Variants in CSMD1 observed in about 807,000 individuals in gnomAD.
The protein encoded by CSMD1 is CUB and Sushi multiple domains 1.
In CSMD1, 213 loss-of-function variants were observed where a neutral mutation model predicts 417.5. That is an observed-to-expected ratio of 0.51 (90% CI 0.46 to 0.57). The LOEUF (loss-of-function observed/expected upper bound fraction) is 0.57, where lower values mean the gene tolerates loss of function less well. Among genes scored for constraint, CSMD1 ranks in the 20% least tolerant of loss-of-function variants. The pLI, the probability that CSMD1 is intolerant of heterozygous loss-of-function variation, is 0.00. For missense variants in CSMD1, 6,923 were observed against 4,529.7 expected, an observed-to-expected ratio of 1.53 and a Z score of -15.17; for synonymous variants, 2,862 against 1,736.8, an observed-to-expected ratio of 1.65 and a Z score of -16.11.
intron 1 of CSMD1, among the ~76,000 whole-genome samples, chr8:4,914,583 G>GA (rs59293226): frequency 1.8e-3 from 240 of 133,676 alleles, no homozygotes; most frequent in South Asian, 6.9e-3. Flanking sequence ...CTCCCAAAAA[G>GA]AAAAAAAAAA....
intron 22 of CSMD1, among the ~76,000 whole-genome samples, chr8:3,344,193 C>G (rs145733570): frequency 6.6e-6 from 1 of 152,272 alleles, no homozygotes; most frequent in Non-Finnish European, 1.5e-5. Flanking sequence ...AGACAGGTCA[C>G]ATGGTGGGGA....
intron 1 of CSMD1, among the ~76,000 whole-genome samples, chr8:4,896,895 T>C (rs1804528568): frequency 6.6e-6 from 1 of 152,028 alleles, no homozygotes; most frequent in Non-Finnish European, 1.5e-5. Context: ...AAAGTAACAG[T>C]ATCTTGGGCT....
At chr8:4,618,768 C>T (rs1007096582) in intron 2 of CSMD1, among the ~76,000 whole-genome samples, 4 of 152,104 alleles carry the variant, frequency 2.6e-5, no homozygotes, top group African/African-American at 7.2e-5. Context: ...CTTTCAGAAT[C>T]TTGAGGAAGC....
intron 1 of CSMD1, among the ~76,000 whole-genome samples, chr8:4,959,032 C>T (rs1478359370): frequency 1.3e-5 from 2 of 152,082 alleles, no homozygotes; most frequent in African/African-American, 4.8e-5. Context: ...GATTATCAAG[C>T]CATGCTATAT....
At chr8:3,286,295 A>G (rs1023293503) in intron 25 of CSMD1, among the ~76,000 whole-genome samples, 2 of 152,130 alleles carry the variant, frequency 1.3e-5, no homozygotes, top group African/African-American at 2.4e-5. Context: ...ATACGTGTGC[A>G]TGTGTCTTTA....
At chr8:3,908,046 C>G (rs186258880) in intron 5 of CSMD1, among the ~76,000 whole-genome samples, 8 of 152,142 alleles carry the variant, frequency 5.3e-5, no homozygotes, top group African/African-American at 1.2e-4. Context: ...GTATTTGACC[C>G]CAAAGTCTGA....
chr8:3,691,249 T>C (rs556883226), intron 7 of CSMD1, among the ~76,000 whole-genome samples: 2 of 152,000 alleles, frequency 1.3e-5, no homozygotes, highest in African/African-American at 4.8e-5. Context: ...GCACCTGTAA[T>C]CCCAGCTACT....
intron 5 of CSMD1, among the ~76,000 whole-genome samples, chr8:3,907,300 T>A (rs1808178424): frequency 6.6e-6 from 1 of 152,176 alleles, no homozygotes; most frequent in South Asian, 2.1e-4. Context: ...TAAGAAGACA[T>A]TAACGTGGAT....
At chr8:3,554,456 C>A (rs1447401780) in intron 10 of CSMD1, among the ~76,000 whole-genome samples, 1 of 152,070 alleles carries the variant, frequency 6.6e-6, no homozygotes, top group African/African-American at 2.4e-5. Context: ...AGAACAGGGT[C>A]ACAGACACCC....
intron 52 of CSMD1, among the ~76,000 whole-genome samples, chr8:3,013,230 T>C (rs1205066689): frequency 1.3e-5 from 2 of 152,172 alleles, no homozygotes; most frequent in East Asian, 1.9e-4. Context: ...TTGGCAGATA[T>C]ATGCAATTAA....
intron 5 of CSMD1, among the ~76,000 whole-genome samples, chr8:3,931,782 C>T (rs935133273): frequency 6.7e-6 from 1 of 148,244 alleles, no homozygotes; most frequent in African/African-American, 2.5e-5. Flanking sequence ...CCTAAGACCC[C>T]ACTAAGGAAT....
chr8:3,849,304 T>A (rs955490483), intron 5 of CSMD1, among the ~76,000 whole-genome samples: 8 of 151,996 alleles, frequency 5.3e-5, no homozygotes, highest in African/African-American at 1.9e-4. Context: ...CAGGGCGGAC[T>A]GGGAAGGAAG....
chr8:3,610,931 C>T lies in CSMD1; in HGVS notation c.1097+5779G>A, dbSNP rs542643852. 7.9e-5 allele frequency among the ~76,000 whole-genome samples: 12 copies of T among 151,856 alleles called. No homozygotes were observed. The East Asian group carries it at 1.2e-3, about 15-fold the overall frequency. On this transcript the variant is annotated intron_variant, in intron 8 of 69. Coordinates refer to ENST00000635120, the MANE Select transcript of CSMD1 (RefSeq NM_033225.6). ...TGATGGGAAAAACTGATGGCGATTT[C>T]GCACCAGTCAAGCAACAGCACCAGG...
intron 12 of CSMD1, among the ~76,000 whole-genome samples, chr8:3,461,570 G>C (rs1017320794): frequency 6.6e-6 from 1 of 152,180 alleles, no homozygotes; most frequent in African/African-American, 2.4e-5. Context: ...GCTTCTCAGA[G>C]GGGAGCTGTC....
At chr8:4,374,335 T>C (rs1270763578) in intron 3 of CSMD1, among the ~76,000 whole-genome samples, 1 of 152,184 alleles carries the variant, frequency 6.6e-6, no homozygotes, top group Non-Finnish European at 1.5e-5. Context: ...GTAATCTTTT[T>C]CTTTATTTTC....
At chr8:3,910,678 A>G (rs1808404277) in intron 5 of CSMD1, among the ~76,000 whole-genome samples, 1 of 152,132 alleles carries the variant, frequency 6.6e-6, no homozygotes, top group Non-Finnish European at 1.5e-5. Context: ...TCTATAATCT[A>G]TTTTCCCCTT....
chr8:3,255,020 T>C (rs1168072220), intron 26 of CSMD1, among the ~76,000 whole-genome samples: 4 of 152,194 alleles, frequency 2.6e-5, no homozygotes, highest in African/African-American at 9.6e-5. Context: ...CTTTGGTCTT[T>C]GATGATGGTG....
intron 10 of CSMD1, among the ~76,000 whole-genome samples, chr8:3,520,315 T>G (rs1164605456): frequency 6.6e-6 from 1 of 152,190 alleles, no homozygotes; most frequent in Non-Finnish European, 1.5e-5. Context: ...AAGAACTGGC[T>G]TTGATATCAG....
chr8:3,617,353 G>T (rs1285750443), intron 7 of CSMD1, among the ~76,000 whole-genome samples: 2 of 152,162 alleles, frequency 1.3e-5, no homozygotes, highest in Admixed American at 1.3e-4. Flanking sequence ...CTCCTGTTGG[G>T]ACTTGCACCA....
Sources: allele counts gnomAD v4.1 joint callset (sites outside exome capture counted in the v4.1 genomes callset), GRCh38; gene constraint gnomAD v4.1.1; transcripts MANE v1.5; gene names NCBI Gene and HGNC (gene_info 2026-07-23, HGNC 2026-07-21).